Variants in TMIGD3 observed in about 807,000 individuals in gnomAD.
The protein encoded by TMIGD3 is transmembrane and immunoglobulin domain containing 3, also known as AD026 protein (AD026).
Under a neutral mutation model 28.1 loss-of-function variants are expected in TMIGD3, and 21 were observed. That is an observed-to-expected ratio of 0.75 (90% CI 0.53 to 1.08). TMIGD3 has a LOEUF of 1.08. Ranked by LOEUF, TMIGD3 falls within the 50% of genes least tolerant of loss-of-function variation. The pLI is 0.00. For missense variants in TMIGD3, 416 were observed against 435.6 expected (o/e 0.96, Z 0.40); for synonymous variants, 151 against 162.1 (o/e 0.93, Z 0.52).
chr1:111,530,748 A>T (rs1656432295), intron 1 of TMIGD3, among the ~76,000 whole-genome samples: 1 of 152,086 alleles, frequency 6.6e-6, no homozygotes, highest in South Asian at 2.1e-4. Context: ...TTAAGATTTT[A>T]TCTTTATCTC....
At chr1:111,544,672 C>A (rs1342720022) in intron 1 of TMIGD3, among the ~76,000 whole-genome samples, 1 of 152,124 alleles carries the variant, frequency 6.6e-6, no homozygotes, top group Non-Finnish European at 1.5e-5. Context: ...CATTGGTGTA[C>A]AAGTTTTTGC....
At chr1:111,488,053 C>T (rs1654469150) in intron 3 of TMIGD3, among the ~76,000 whole-genome samples, 1 of 152,140 alleles carries the variant, frequency 6.6e-6, no homozygotes, top group African/African-American at 2.4e-5. Context: ...AATCCACCCA[C>T]CTCAGCCTCC....
intron 2 of TMIGD3, 100 bp downstream of exon 2, chr1:111,490,556 A>C (rs551702562): frequency 1.2e-6 from 1 of 833,492 alleles, no homozygotes; most frequent in African/African-American, 1.7e-5. Flanking sequence ...AGATGGTTCG[A>C]GTTAATAAGC....
intron 3 of TMIGD3, among the ~76,000 whole-genome samples, chr1:111,487,497 C>T (rs1033925296): frequency 1.3e-5 from 2 of 150,500 alleles, no homozygotes; most frequent in East Asian, 3.9e-4. Flanking sequence ...CAAGAAGGCA[C>T]AGGGGAAAGA....
chr1:111,554,804 C>T (rs1005484273), intron 1 of TMIGD3, among the ~76,000 whole-genome samples: 2 of 152,062 alleles, frequency 1.3e-5, no homozygotes, highest in African/African-American at 2.4e-5. Context: ...CTGGCAAAAG[C>T]AAACACAAAT....
chr1:111,503,624 T>C lies in TMIGD3; in HGVS notation c.-270A>G. 8.1e-7 allele frequency: 1 copy of C among 1,229,412 alleles called. No individual in the cohort carries two copies. Among genetic ancestry groups the C allele is most frequent in the Non-Finnish European group, 1.0e-6 (1 of 975,942 alleles). 76.2% of individuals were successfully genotyped at this position (1,229,412 alleles called of 1,614,324 possible). A position where few individuals can be genotyped will look rare whatever the true frequency, so the allele number is the denominator to read the frequency against. On this transcript the variant is annotated 5_prime_UTR_variant, in exon 1 of 6. It adds an upstream start codon to the 5' untranslated region. Coordinates refer to ENST00000369716, the MANE Select transcript of TMIGD3 (RefSeq NM_020683.7). ...TTTCCAGAATGCTGTAGGACAGCTC[T>C]ATATGGACTGAATCTGAAAGTGCTG...
At chr1:111,507,949 G>A (rs1655567351), upstream of TMIGD3, among the ~76,000 whole-genome samples, 1 of 152,244 alleles carries the variant, frequency 6.6e-6, no homozygotes, top group Non-Finnish European at 1.5e-5. Context: ...CCCGCGCCGG[G>A]GGCTGATCTG....
chr1:111,547,372 TTAA>T (rs142902386), intron 1 of TMIGD3, among the ~76,000 whole-genome samples: 25 of 152,256 alleles, frequency 1.6e-4, no homozygotes, highest in African/African-American at 6.0e-4. Flanking sequence ...CTTTATCCTA[TTAA>T]TATTATATTG....
chr1:111,559,164 G>T (rs1303249012), intron 1 of TMIGD3, among the ~76,000 whole-genome samples: 4 of 151,152 alleles, frequency 2.6e-5, no homozygotes, highest in Non-Finnish European at 4.5e-5. Context: ...ATCAAAACTT[G>T]TGGGATACAA....
chr1:111,507,495 G>C (rs1181220401), upstream of TMIGD3, among the ~76,000 whole-genome samples: 4 of 152,130 alleles, frequency 2.6e-5, no homozygotes, highest in Non-Finnish European at 1.5e-5. Flanking sequence ...AATCTGAGAG[G>C]CTGGCAGCAG....
intron 5 of TMIGD3, among the ~76,000 whole-genome samples, chr1:111,484,295 A>G (rs1236958054): frequency 6.6e-6 from 1 of 152,210 alleles, no homozygotes; most frequent in Non-Finnish European, 1.5e-5. Flanking sequence ...TTGTATCCCC[A>G]GCATCTAGCT....
intron 3 of TMIGD3, 80 bp downstream of exon 3, chr1:111,488,597 G>A: frequency 1.5e-6 from 2 of 1,333,882 alleles, no homozygotes; most frequent in Non-Finnish European, 2.1e-6. Context: ...GGGGCTCACT[G>A]GCTTCAGAGA....
intron 1 of TMIGD3, among the ~76,000 whole-genome samples, chr1:111,536,238 T>G (rs1656636630): frequency 6.6e-6 from 1 of 152,180 alleles, no homozygotes; most frequent in East Asian, 1.9e-4. Context: ...TAAGTTTTTT[T>G]TTTTTAAGGA....
chr1:111,485,009 T>C (rs1654292202), intron 5 of TMIGD3, among the ~76,000 whole-genome samples: 1 of 152,204 alleles, frequency 6.6e-6, no homozygotes, highest in South Asian at 2.1e-4. Context: ...TGACCAGTCA[T>C]GTCTCTGATG....
At chr1:111,507,343 T>C (rs908899449), upstream of TMIGD3, among the ~76,000 whole-genome samples, 6 of 152,052 alleles carry the variant, frequency 3.9e-5, no homozygotes, top group Admixed American at 3.9e-4. Context: ...GGAGAAACCA[T>C]TGGCTTAAAT....
intron 3 of TMIGD3, among the ~76,000 whole-genome samples, chr1:111,488,375 A>T (rs146875887): frequency 1.5e-4 from 23 of 152,334 alleles, no homozygotes; most frequent in African/African-American, 5.1e-4. Context: ...CAACATAAAG[A>T]TCTCACATCT....
At chr1:111,525,666 C>T (rs1006893729) in intron 1 of TMIGD3, among the ~76,000 whole-genome samples, 6 of 152,150 alleles carry the variant, frequency 3.9e-5, no homozygotes, top group Non-Finnish European at 7.4e-5. Context: ...AGTTTGAGAC[C>T]AGCCTGGCCA....
intron 1 of TMIGD3, among the ~76,000 whole-genome samples, chr1:111,554,937 T>C (rs945137023): frequency 2.0e-5 from 3 of 151,834 alleles, no homozygotes; most frequent in African/African-American, 4.8e-5. Flanking sequence ...AGAAACACCA[T>C]GTAAGGAAAA....
At chr1:111,547,494 A>AAT (rs1657077734) in intron 1 of TMIGD3, among the ~76,000 whole-genome samples, 1 of 152,170 alleles carries the variant, frequency 6.6e-6, no homozygotes, top group Non-Finnish European at 1.5e-5. Flanking sequence ...AAAAAATATA[A>AAT]AATATAAACT....
Sources: gnomAD v4.1 joint callset for allele counts (sites outside exome capture counted in the v4.1 genomes callset) on GRCh38, gnomAD v4.1.1 for gene constraint, MANE v1.5 for transcripts, NCBI Gene and HGNC (gene_info 2026-07-23, HGNC 2026-07-21) for gene names.